The following MTMR2 variants were observed in gnomAD, a reference collection of about 807,000 sequenced individuals.
The protein encoded by MTMR2 is phosphatidylinositol-3,5-bisphosphate 3-phosphatase MTMR2.
A neutral mutation model predicts 86.9 loss-of-function variants in MTMR2; 55 were observed. That is an observed-to-expected ratio of 0.63 (90% CI 0.51 to 0.79). The LOEUF is 0.79. Ranked by LOEUF, MTMR2 falls within the 30% of genes least tolerant of loss-of-function variation. MTMR2 has a pLI of 0.00. For synonymous variants in MTMR2, 241 were observed against 266.8 expected, an observed-to-expected ratio of 0.90 and a Z score of 0.94; for missense variants, 659 against 772.3, an observed-to-expected ratio of 0.85 and a Z score of 1.74.
intron 1 of MTMR2, among the ~76,000 whole-genome samples, chr11:95,905,331 G>GCACA (rs10552965): frequency 2.5e-4 from 37 of 148,096 alleles, no homozygotes; most frequent in East Asian, 1.4e-3. Context: ...ACGCACCTGC[G>GCACA]CACACACACA....
At chr11:95,923,446 A>G (rs1195062508) in intron 1 of MTMR2, among the ~76,000 whole-genome samples, 1 of 152,174 alleles carries the variant, frequency 6.6e-6, no homozygotes, top group Non-Finnish European at 1.5e-5. Flanking sequence ...GCAAGAACCC[A>G]AAAACCAAAG....
intron 2 of MTMR2, among the ~76,000 whole-genome samples, chr11:95,877,331 CCTTTTTTTTTTTTTTTT>C (rs1190491538): frequency 5.3e-5 from 5 of 94,740 alleles, no homozygotes; most frequent in Non-Finnish European, 7.9e-5. Context: ...ACAGGGAAGC[CCTTTTTTTTTTTTTTTT>C]TTTTTTTTTT....
At chr11:95,889,172 C>G (rs1865622824) in intron 1 of MTMR2, among the ~76,000 whole-genome samples, 1 of 148,990 alleles carries the variant, frequency 6.7e-6, no homozygotes, top group South Asian at 2.1e-4. Context: ...TCACTCTTGT[C>G]ACCCAGGCTG....
Position 95,877,331 on chromosome 11 carries a change from CCTTTT to C in MTMR2, c.186+10820_186+10824del, listed in dbSNP as rs1284930933. 1.2e-3 allele frequency among the ~76,000 whole-genome samples: 118 copies of C among 94,712 alleles called. 6 individuals carry two copies. Among genetic ancestry groups the C allele is most frequent in the African/African-American group, 5.7e-3 (115 of 20,148 alleles). The allele number at this position is 94,712 out of a possible 152,430, so 62.1% of individuals were successfully genotyped here. On this transcript the variant is annotated intron_variant, in intron 2 of 14. Coordinates refer to ENST00000346299, the MANE Select transcript of MTMR2 (RefSeq NM_016156.6). Reference sequence around the variant, plus strand: ...CATTCAAGATCAAGCACAGGGAAGCCCTTTTTTTTTTTTTTTTTTTTTTTTTTTTT... The same window carrying C: ...CATTCAAGATCAAGCACAGGGAAGCCTTTTTTTTTTTTTTTTTTTTTTTTT...
Position 95,865,597 on chromosome 11 carries a change from G to T in MTMR2, c.262+4C>A. 1 of 1,589,968 alleles carries T rather than the reference G, an allele frequency of 6.3e-7. No individual in the cohort carries two copies. Among genetic ancestry groups the T allele is most frequent in the Non-Finnish European group, 8.6e-7 (1 of 1,160,846 alleles). Reference sequence around the variant, plus strand: ...GACATTAAGCAAAAAATACCATTACGGACCCATGTCTTTAATATTTTCTCC... The same window carrying T: ...GACATTAAGCAAAAAATACCATTACTGACCCATGTCTTTAATATTTTCTCC... On this transcript the variant is annotated splice_donor_region_variant and intron_variant, in intron 3 of 14. Coordinates refer to ENST00000346299, the MANE Select transcript of MTMR2 (RefSeq NM_016156.6).
intron 1 of MTMR2, among the ~76,000 whole-genome samples, chr11:95,907,361 A>G (rs1466866348): frequency 6.6e-6 from 1 of 152,062 alleles, no homozygotes; most frequent in Non-Finnish European, 1.5e-5. Flanking sequence ...CCAAAATTGA[A>G]TCAATAATAA....
rs113524244 is a variant in MTMR2, at chr11:95,857,322, G to A, written c.654+230C>T. ...AAATAAAGAAAAGACTATTTTAGGTGGGGCTTAAGTAATGCAGTATAGGGA... is the reference window on the plus strand; with the variant it reads ...AAATAAAGAAAAGACTATTTTAGGTAGGGCTTAAGTAATGCAGTATAGGGA... On this transcript the variant is annotated intron_variant, in intron 7 of 14. Transcript: ENST00000346299. Among the ~76,000 whole-genome samples the A allele has an allele frequency of 0.036, 5,417 of 152,100 alleles. 145 individuals are homozygous for A. The highest frequency in any genetic ancestry group is 0.087 in the South Asian group (419 of 4,824).
chr11:95,835,250 C>A lies in MTMR2; in HGVS notation c.*40G>T. 6.2e-7 allele frequency: 1 copy of A among 1,605,146 alleles called. No homozygotes were observed. The highest frequency in any genetic ancestry group is 1.3e-5 in the African/African-American group (1 of 74,768). On this transcript the variant is annotated 3_prime_UTR_variant, in exon 15 of 15. Coordinates refer to ENST00000346299, the MANE Select transcript of MTMR2 (RefSeq NM_016156.6). ...CTACTCATAGAGCTGCCAGTGTAAT[C>A]AAGAGTGTATAGCAATGATGCCCCT...
chr11:95,868,577 A>G (rs1864726411), intron 2 of MTMR2, among the ~76,000 whole-genome samples: 1 of 151,914 alleles, frequency 6.6e-6, no homozygotes, highest in Non-Finnish European at 1.5e-5. Flanking sequence ...AAAGAATTGT[A>G]TTTTCTAAAG....
chr11:95,854,654 T>C (rs1204725498), intron 7 of MTMR2, among the ~76,000 whole-genome samples: 3 of 151,682 alleles, frequency 2.0e-5, no homozygotes, highest in East Asian at 1.9e-4. Flanking sequence ...TTTGTAGAGA[T>C]AGGGTTTCAC....
At chr11:95,839,639 C>T (rs1280837090) in intron 12 of MTMR2, among the ~76,000 whole-genome samples, 3 of 152,132 alleles carry the variant, frequency 2.0e-5, no homozygotes, top group Admixed American at 2.0e-4. Context: ...ACAATTGCTT[C>T]CTGATCTCAG....
intron 11 of MTMR2, 102 bp from the exon 12 acceptor site, chr11:95,841,811 C>T: frequency 1.1e-6 from 1 of 931,496 alleles, no homozygotes; most frequent in South Asian, 1.3e-5. Flanking sequence ...TAAAAATTTT[C>T]AAAGTCGGGT....
intron 2 of MTMR2, among the ~76,000 whole-genome samples, chr11:95,867,587 C>T (rs1012924348): frequency 1.5e-4 from 23 of 152,148 alleles, no homozygotes; most frequent in Admixed American, 6.5e-4. Context: ...CTATCTTTGT[C>T]CAGCAGAGCT....
In MTMR2 at chr11:95,835,063, G is replaced by A; in HGVS notation, c.*227C>T. The stretch of plus-strand genomic sequence containing the variant: ...GGATTGAAGTATTTTAATATTCTTT[G>A]GATACTTAAAAGATTAGTATCATAA... On this transcript the variant is annotated 3_prime_UTR_variant, in exon 15 of 15. Transcript: ENST00000346299. The A allele has an allele frequency of 1.9e-6, 1 of 536,490 alleles. No individual in the cohort carries two copies. The allele number at this position is 536,490 out of a possible 1,614,324, so 33.2% of individuals were successfully genotyped here. A position where few individuals can be genotyped will look rare whatever the true frequency, so the allele number is the denominator to read the frequency against.
At chr11:95,882,889 ATTTTTTTTTTTTTTTTTTT>A (rs776661875) in intron 2 of MTMR2, among the ~76,000 whole-genome samples, 1 of 76,100 alleles carries the variant, frequency 1.3e-5, no homozygotes, top group Admixed American at 1.8e-4. Context: ...CATCCAGCTA[ATTTTTTTTTTTTTTTTTTT>A]TTTTTTTTTT....
At chr11:95,914,416 G>A in intron 1 of MTMR2, 2 of 969,000 alleles carry the variant, frequency 2.1e-6, no homozygotes, top group African/African-American at 1.8e-5. Flanking sequence ...GTGGTGGGGA[G>A]GAGGCTTTGG....
At chr11:95,899,278 GAAGA>G (rs1372239212) in intron 1 of MTMR2, among the ~76,000 whole-genome samples, 2 of 152,110 alleles carry the variant, frequency 1.3e-5, no homozygotes, top group Non-Finnish European at 2.9e-5. Context: ...AAGGGAGAAG[GAAGA>G]CTCAAAATAT....
chr11:95,869,973 T>A lies in MTMR2; in HGVS notation c.187-4297A>T, dbSNP rs192396128. 9.7e-4 allele frequency among the ~76,000 whole-genome samples: 148 copies of A among 152,322 alleles called. 1 individual carries two copies. Among genetic ancestry groups the A allele is most frequent in the Non-Finnish European group, 1.2e-3 (79 of 68,016 alleles). On this transcript the variant is annotated intron_variant, in intron 2 of 14. Coordinates refer to ENST00000346299, the MANE Select transcript of MTMR2 (RefSeq NM_016156.6). ...TCTATATCTTGACAGGGATTTGGGTTGTACAGGTGTATGCATTTTTCTAAA... is the reference window on the plus strand; with the variant it reads ...TCTATATCTTGACAGGGATTTGGGTAGTACAGGTGTATGCATTTTTCTAAA...
At position 95,845,207 on chromosome 11, in the gene MTMR2, T is replaced by G. The variant is rs1393518805; in HGVS notation, c.1180-48A>C. 4.0e-6 allele frequency: 6 copies of G among 1,487,078 alleles called. No individual in the cohort carries two copies. The South Asian group carries it at 6.9e-5, about 17-fold the overall frequency. 92.1% of individuals were successfully genotyped at this position (1,487,078 alleles called of 1,614,324 possible). On this transcript the variant is annotated intron_variant, in intron 10 of 14. Coordinates refer to ENST00000346299, the MANE Select transcript of MTMR2 (RefSeq NM_016156.6). ...CATTGTTTTTAAACAAGGTAAATAC[T>G]TCCTTCTTCAAAATTTACTAATACA...
Sources: gnomAD v4.1 joint callset for allele counts (sites outside exome capture counted in the v4.1 genomes callset) on GRCh38, gnomAD v4.1.1 for gene constraint, MANE v1.5 for transcripts, NCBI Gene and HGNC (gene_info 2026-07-23, HGNC 2026-07-21) for gene names.